PRELID2: variants seen among roughly 807,000 people sequenced by gnomAD.
PRELID2 encodes PRELI domain-containing protein 2.
In PRELID2, 25 loss-of-function variants were observed where a neutral mutation model predicts 28.4. The ratio of observed to expected loss-of-function variants is 0.88; its 90% CI spans 0.64 to 1.23. PRELID2 has a LOEUF of 1.23. PRELID2 is among the 50% of genes most tolerant of loss of function. The probability of loss-of-function intolerance (pLI) is 0.00; values close to 1 mark genes in which losing one functional copy is unlikely to be tolerated. For missense variants in PRELID2, 201 were observed against 214.4 expected, an observed-to-expected ratio of 0.94 and a Z score of 0.39; for synonymous variants, 76 against 71.6, an observed-to-expected ratio of 1.06 and a Z score of -0.31.
intron 1 of PRELID2, among the ~76,000 whole-genome samples, chr5:145,508,187 T>A (rs748607352): frequency 2.0e-5 from 3 of 152,138 alleles, no homozygotes; most frequent in Non-Finnish European, 4.4e-5. Flanking sequence ...ATTCCATATT[T>A]AAAATGCACA....
intron 2 of PRELID2, among the ~76,000 whole-genome samples, chr5:145,822,103 T>C (rs551861654): frequency 6.6e-6 from 1 of 152,260 alleles, no homozygotes; most frequent in South Asian, 2.1e-4. Flanking sequence ...TCACACACAA[T>C]GAACAGTAGC....
the PRELID2 span, among the ~76,000 whole-genome samples, chr5:145,444,617 G>A: frequency 6.6e-6 from 1 of 151,970 alleles, no homozygotes; most frequent in African/African-American, 2.4e-5. Flanking sequence ...AGGGCAAAGT[G>A]GTTGCCATTA....
chr5:145,828,916 G>T (rs948550936), intron 1 of PRELID2, among the ~76,000 whole-genome samples: 2 of 135,628 alleles, frequency 1.5e-5, no homozygotes, highest in South Asian at 4.7e-4. Context: ...ACAGCTCACT[G>T]CAACCTCTGC....
the PRELID2 span, among the ~76,000 whole-genome samples, chr5:145,417,670 G>GA: frequency 2.0e-5 from 3 of 152,066 alleles, no homozygotes; most frequent in South Asian, 4.2e-4. Flanking sequence ...AATAGATGCA[G>GA]AAAAAGCCTT....
the PRELID2 span, chr5:145,337,784 A>G: frequency 1.4e-5 from 2 of 142,930 alleles, no homozygotes; most frequent in African/African-American, 5.2e-5. Flanking sequence ...TATAAATGGC[A>G]AGGTCTTGCA....
the PRELID2 span, among the ~76,000 whole-genome samples, chr5:145,458,681 GA>G: frequency 3.3e-5 from 5 of 152,146 alleles, no homozygotes; most frequent in African/African-American, 1.2e-4. Flanking sequence ...TGCTGAGGTT[GA>G]GTAGAAACCC....
At chr5:145,612,849 C>T (rs1253834907) in intron 1 of PRELID2, among the ~76,000 whole-genome samples, 1 of 152,100 alleles carries the variant, frequency 6.6e-6, no homozygotes, top group Non-Finnish European at 1.5e-5. Context: ...TTTCTTTATC[C>T]ACTTGTTGAT....
chr5:145,327,396 T>C, the PRELID2 span, among the ~76,000 whole-genome samples: 61 of 152,180 alleles, frequency 4.0e-4, no homozygotes, highest in South Asian at 3.3e-3. Context: ...TTGTGACAGT[T>C]CTTAAAGTCA....
chr5:145,663,452 G>C (rs1754531396), intron 1 of PRELID2, among the ~76,000 whole-genome samples: 1 of 152,134 alleles, frequency 6.6e-6, no homozygotes, highest in South Asian at 2.1e-4. Context: ...GCCCAGTTTT[G>C]TGGTACAAGC....
chr5:145,704,781 G>C (rs1350691646), intron 1 of PRELID2, among the ~76,000 whole-genome samples: 1 of 152,150 alleles, frequency 6.6e-6, no homozygotes, highest in Non-Finnish European at 1.5e-5. Flanking sequence ...GGCCCGAAAG[G>C]GAATATAGTC....
At chr5:145,410,786 G>A in the PRELID2 span, among the ~76,000 whole-genome samples, 1 of 151,970 alleles carries the variant, frequency 6.6e-6, no homozygotes, top group East Asian at 1.9e-4. Context: ...CTGCACTCCC[G>A]AATCTCATGT....
intron 1 of PRELID2, among the ~76,000 whole-genome samples, chr5:145,571,981 C>CAA (rs557402967): frequency 1.1e-4 from 11 of 100,902 alleles, no homozygotes; most frequent in East Asian, 7.7e-4. Context: ...GACTCCGTCT[C>CAA]AAAAAAAAAA....
chr5:145,485,645 C>G (rs867512367), intron 1 of PRELID2, among the ~76,000 whole-genome samples: 2 of 152,144 alleles, frequency 1.3e-5, no homozygotes, highest in Non-Finnish European at 2.9e-5. Flanking sequence ...CAGTCTTAAC[C>G]GCTGCAACCC....
At chr5:145,508,273 T>C (rs1218681142) in intron 1 of PRELID2, among the ~76,000 whole-genome samples, 2 of 151,998 alleles carry the variant, frequency 1.3e-5, no homozygotes, top group Non-Finnish European at 2.9e-5. Context: ...GATAGATAGA[T>C]AGATAGATAG....
chr5:145,256,071 G>C, the PRELID2 span, among the ~76,000 whole-genome samples: 22 of 151,904 alleles, frequency 1.4e-4, no homozygotes, highest in East Asian at 3.9e-3. Flanking sequence ...TGGAAGTCAA[G>C]GCAAAACAGG....
rs2304031 is a variant in PRELID2 at position 145,765,106 on chromosome 5, T to C, written c.475-106A>G. The C allele has an allele frequency of 8.0e-6, 6 of 745,390 alleles. No individual in the cohort carries two copies. The East Asian group carries it at 1.4e-4, about 17-fold the overall frequency. The allele number at this position is 745,390 out of a possible 1,614,324, so 46.2% of individuals were successfully genotyped here. ...AAAGAATCCAGGTCATGGCCATATA[T>C]TCATTTCAACAAAGTAGGCTCATAG... On this transcript the variant is annotated intron_variant, in intron 5 of 6. Transcript: ENST00000683046.
the PRELID2 span, among the ~76,000 whole-genome samples, chr5:145,298,253 T>A: frequency 6.6e-6 from 1 of 152,296 alleles, no homozygotes; most frequent in Admixed American, 6.5e-5. Flanking sequence ...AACAGCATGG[T>A]ACTGGTACCA....
chr5:145,762,066 T>A (rs1581152859), intron 6 of PRELID2, among the ~76,000 whole-genome samples: 2 of 152,202 alleles, frequency 1.3e-5, no homozygotes, highest in Admixed American at 1.3e-4. Context: ...TACATACATA[T>A]ACATATATCC....
At chr5:145,753,757 G>GT (rs1757186078), downstream of PRELID2, among the ~76,000 whole-genome samples, 1 of 152,162 alleles carries the variant, frequency 6.6e-6, no homozygotes, top group Non-Finnish European at 1.5e-5. Context: ...TGGCATCGGT[G>GT]TTTTTTAAAG....
Sources: gnomAD v4.1 joint callset for allele counts (sites outside exome capture counted in the v4.1 genomes callset) on GRCh38, gnomAD v4.1.1 for gene constraint, MANE v1.5 for transcripts, NCBI Gene and HGNC (gene_info 2026-07-23, HGNC 2026-07-21) for gene names.